The following PTPRT variants were observed in gnomAD, a reference collection of about 807,000 sequenced individuals.
The protein encoded by PTPRT is protein tyrosine phosphatase receptor type T.
Under a neutral mutation model 176.8 loss-of-function variants are expected in PTPRT, and 56 were observed. The ratio of observed to expected loss-of-function variants is 0.32; its 90% CI spans 0.26 to 0.40. The LOEUF is 0.40. Among genes scored for constraint, PTPRT ranks in the 10% least tolerant of loss-of-function variants. The probability of loss-of-function intolerance (pLI) is 1.00; values close to 1 mark genes in which losing one functional copy is unlikely to be tolerated. For missense variants in PTPRT, 1,540 were observed against 1,908.2 expected, an observed-to-expected ratio of 0.81 and a Z score of 3.60; for synonymous variants, 783 against 739.0, an observed-to-expected ratio of 1.06 and a Z score of -0.96.
At chr20:42,224,763 C>T (rs6030061) in intron 15 of PTPRT, among the ~76,000 whole-genome samples, 46,610 of 152,050 alleles carry the variant, frequency 0.31, 8,161 homozygotes, top group East Asian at 0.37. Flanking sequence ...AGTGCCCTCC[C>T]GCAAATACAC....
chr20:42,525,359 G>A (rs549339635), intron 7 of PTPRT, among the ~76,000 whole-genome samples: 37 of 152,236 alleles, frequency 2.4e-4, no homozygotes, highest in African/African-American at 8.7e-4. Flanking sequence ...ATGATTTCAA[G>A]TACATAAGCT....
intron 1 of PTPRT, among the ~76,000 whole-genome samples, chr20:43,099,421 C>T (rs548261941): frequency 1.3e-5 from 2 of 152,038 alleles, no homozygotes; most frequent in African/African-American, 4.8e-5. Flanking sequence ...GGAATGGACC[C>T]CACACACAAG....
chr20:42,179,995 T>G (rs779485521), intron 16 of PTPRT, among the ~76,000 whole-genome samples: 1 of 152,206 alleles, frequency 6.6e-6, no homozygotes, highest in East Asian at 1.9e-4. Flanking sequence ...AGATCCTGGA[T>G]GCGGTGGCTC....
intron 1 of PTPRT, among the ~76,000 whole-genome samples, chr20:43,101,372 G>C (rs1257305453): frequency 6.6e-6 from 1 of 152,116 alleles, no homozygotes; most frequent in Non-Finnish European, 1.5e-5. Flanking sequence ...ACATGGACTG[G>C]AGTCTGTGGA....
intron 7 of PTPRT, among the ~76,000 whole-genome samples, chr20:42,512,143 AAATTT>A (rs1191725815): frequency 6.6e-6 from 1 of 152,180 alleles, no homozygotes; most frequent in Non-Finnish European, 1.5e-5. Flanking sequence ...AATATTCATG[AAATTT>A]AATACACAAT....
At chr20:43,103,648 G>A (rs757981089) in intron 1 of PTPRT, among the ~76,000 whole-genome samples, 1 of 152,052 alleles carries the variant, frequency 6.6e-6, no homozygotes, top group Non-Finnish European at 1.5e-5. Flanking sequence ...TTAGGATGGA[G>A]AGCCAAATAA....
rs760812801 is a variant in PTPRT, at chr20:42,554,277, C to A, written c.1154-81715G>T. On this transcript the variant is annotated intron_variant, in intron 7 of 30. Transcript: ENST00000373187. ...GTGTATCCAAAAAGCACTTGTACCC[C>A]CAAACCTACTGAAATTCTTAAAAAA... 9.9e-5 allele frequency among the ~76,000 whole-genome samples: 15 copies of A among 152,018 alleles called. 1 individual carries two copies. Among genetic ancestry groups the A allele is most frequent in the Non-Finnish European group, 1.9e-4 (13 of 67,996 alleles).
intron 15 of PTPRT, among the ~76,000 whole-genome samples, chr20:42,209,739 TC>T (rs1319349238): frequency 6.6e-6 from 1 of 152,186 alleles, no homozygotes; most frequent in African/African-American, 2.4e-5. Flanking sequence ...CTGGTACCAT[TC>T]CTTCTGAAAC....
At chr20:42,404,564 A>T (rs1178632347) in intron 9 of PTPRT, among the ~76,000 whole-genome samples, 1 of 152,134 alleles carries the variant, frequency 6.6e-6, no homozygotes, top group African/African-American at 2.4e-5. Flanking sequence ...CATCAAATTC[A>T]AGCTGTATGA....
intron 7 of PTPRT, among the ~76,000 whole-genome samples, chr20:42,555,544 G>T (rs1469686825): frequency 1.3e-5 from 2 of 152,154 alleles, no homozygotes; most frequent in Non-Finnish European, 2.9e-5. Flanking sequence ...GCTAGGATGT[G>T]TTATTGTTCA....
intron 7 of PTPRT, among the ~76,000 whole-genome samples, chr20:42,633,658 C>T (rs762787164): frequency 6.8e-6 from 1 of 147,290 alleles, no homozygotes; most frequent in Non-Finnish European, 1.5e-5. Flanking sequence ...TGGTAGCACA[C>T]GCCTGTAATC....
chr20:42,291,659 G>A (rs2057318224), intron 12 of PTPRT, among the ~76,000 whole-genome samples: 1 of 152,068 alleles, frequency 6.6e-6, no homozygotes, highest in South Asian at 2.1e-4. Flanking sequence ...GCATCAGGAA[G>A]GTCATCCCAG....
chr20:43,009,357 T>C (rs1269070689), intron 1 of PTPRT, among the ~76,000 whole-genome samples: 1 of 152,118 alleles, frequency 6.6e-6, no homozygotes, highest in Non-Finnish European at 1.5e-5. Context: ...GCAGCCCTCA[T>C]CCTTGGGGAA....
At chr20:43,053,554 T>C (rs1013354104) in intron 1 of PTPRT, among the ~76,000 whole-genome samples, 2 of 152,198 alleles carry the variant, frequency 1.3e-5, no homozygotes, top group Non-Finnish European at 2.9e-5. Context: ...TCCAGCATGA[T>C]GAAGTTCCCT....
chr20:42,773,647 T>G (rs1024750823), intron 4 of PTPRT, among the ~76,000 whole-genome samples: 2 of 152,160 alleles, frequency 1.3e-5, no homozygotes, highest in African/African-American at 4.8e-5. Context: ...CTGCTCTGAT[T>G]GTCTGAAATT....
intron 7 of PTPRT, among the ~76,000 whole-genome samples, chr20:42,585,425 A>G (rs2145738164): frequency 6.6e-6 from 1 of 152,240 alleles, no homozygotes; most frequent in Admixed American, 6.5e-5. Context: ...TTAATGTGTC[A>G]TTTGCACTCT....
chr20:42,337,736 C>T (rs777069899), intron 11 of PTPRT, among the ~76,000 whole-genome samples: 8 of 152,190 alleles, frequency 5.3e-5, no homozygotes, highest in African/African-American at 7.2e-5. Context: ...CCAGGTAATA[C>T]ATCAGTATTC....
chr20:42,190,479 C>T (rs1990959876), intron 16 of PTPRT, among the ~76,000 whole-genome samples: 1 of 152,156 alleles, frequency 6.6e-6, no homozygotes, highest in South Asian at 2.1e-4. Context: ...CTAGAGCCTT[C>T]CTCTCCCAGA....
At chr20:42,598,851 C>A (rs919320894) in intron 7 of PTPRT, among the ~76,000 whole-genome samples, 3 of 152,188 alleles carry the variant, frequency 2.0e-5, no homozygotes, top group Non-Finnish European at 4.4e-5. Context: ...GTACTGATGG[C>A]AGCACCCCTC....
Sources: allele counts gnomAD v4.1 joint callset (sites outside exome capture counted in the v4.1 genomes callset), GRCh38; gene constraint gnomAD v4.1.1; transcripts MANE v1.5; gene names NCBI Gene and HGNC (gene_info 2026-07-23, HGNC 2026-07-21).